Variants in UTP20 observed in about 807,000 individuals in gnomAD.
UTP20 encodes small subunit processome component 20 homolog.
A neutral mutation model predicts 329.5 loss-of-function variants in UTP20; 164 were observed. The observed-to-expected ratio is 0.50, with a 90% CI of 0.44 to 0.57. The LOEUF (loss-of-function observed/expected upper bound fraction) is 0.57, where lower values mean the gene tolerates loss of function less well. Ranked by LOEUF, UTP20 falls within the 20% of genes least tolerant of loss-of-function variation. The probability of loss-of-function intolerance (pLI) is 0.00; values close to 1 mark genes in which losing one functional copy is unlikely to be tolerated. For synonymous variants in UTP20, 1,151 were observed against 1,159.3 expected (o/e 0.99, Z 0.14); for missense variants, 3,055 against 3,284.2 (o/e 0.93, Z 1.71).
chr12:101,322,828 G>C (rs950441610), intron 25 of UTP20, among the ~76,000 whole-genome samples: 4 of 152,036 alleles, frequency 2.6e-5, no homozygotes, highest in African/African-American at 9.7e-5. Context: ...GTGAATAAGT[G>C]AATATACAAA....
rs374603409 is a variant in UTP20 at position 101,363,761 on chromosome 12, A to G, written c.5958+18A>G. The G allele has an allele frequency of 1.1e-4, 160 of 1,505,166 alleles. No individual in the cohort carries two copies. Among genetic ancestry groups the G allele is most frequent in the Middle Eastern group, 1.7e-4 (1 of 5,870 alleles). The allele number at this position is 1,505,166 out of a possible 1,614,324, so 93.2% of individuals were successfully genotyped here. On this transcript the variant is annotated intron_variant, in intron 45 of 61. Coordinates refer to ENST00000261637, the MANE Select transcript of UTP20 (RefSeq NM_014503.3). ...TAAAAGAGGTAAGGACGTAAATGCA[A>G]TTCTGGAGATCACAGCATTACAATC... is the stretch of plus-strand genomic sequence containing the variant.
In UTP20 at chr12:101,356,626, T is replaced by C; in HGVS notation, c.5467T>C (p.Leu1823=). 6.2e-7 allele frequency: 1 copy of C among 1,614,080 alleles called. No homozygotes were observed. Among genetic ancestry groups the C allele is most frequent in the Non-Finnish European group, 8.5e-7 (1 of 1,179,978 alleles). ...VNDEEVVRVP[L]AFAMVKLMQS... Reference sequence around the variant, plus strand: ...TGATGAGGAAGTCGTTCGAGTTCCATTAGCTTTTGCCATGGTTAAACTAAT... The same window carrying C: ...TGATGAGGAAGTCGTTCGAGTTCCACTAGCTTTTGCCATGGTTAAACTAAT... Residue 1823 remains leucine (L), a synonymous_variant, in exon 42 of 62, where the codon TTA becomes CTA. Transcript: ENST00000261637.
intron 47 of UTP20, 37 bp from the exon 48 acceptor site, chr12:101,367,823 G>A (rs377001301): frequency 1.2e-5 from 16 of 1,365,464 alleles, no homozygotes; most frequent in Non-Finnish European, 1.7e-5. Context: ...TGGTCTAATG[G>A]GCAACTAATG....
At chr12:101,379,252 T>G (rs1870569105) in intron 56 of UTP20, 119 bp from the exon 57 acceptor site, 1 of 860,928 alleles carries the variant, frequency 1.2e-6, no homozygotes, top group Non-Finnish European at 1.7e-6. Flanking sequence ...TGGCTTATTT[T>G]GTTCATCTTT....
At chr12:101,300,762 A>G (rs1872499615) in intron 14 of UTP20, among the ~76,000 whole-genome samples, 2 of 152,216 alleles carry the variant, frequency 1.3e-5, no homozygotes, top group South Asian at 2.1e-4. Context: ...TTAATGTGCT[A>G]CATTCTGTGT....
chr12:101,285,616 T>A lies in UTP20; in HGVS notation c.173T>A (p.Leu58Ter). 3 of 1,613,876 alleles carry A rather than the reference T, an allele frequency of 1.9e-6. No individual in the cohort carries two copies. The highest frequency in any genetic ancestry group is 2.5e-6 in the Non-Finnish European group (3 of 1,179,852). Residue 58 changes from leucine to a stop codon, truncating the protein, a stop_gained, in exon 3 of 62, where the codon TTA (leucine) becomes TAA (stop). Coordinates refer to ENST00000261637, the MANE Select transcript of UTP20 (RefSeq NM_014503.3). LOFTEE classifies it high-confidence loss of function. ...GAGGGTCTGCTGAAATGGAGAGAATTAAACCTCACAGAACACTTCGGTATT... is the reference window on the plus strand; with the variant it reads ...GAGGGTCTGCTGAAATGGAGAGAATAAAACCTCACAGAACACTTCGGTATT... ...FFEGLLKWRE[L>*]NLTEHFGKFY...
chr12:101,309,727 A>G, intron 18 of UTP20, 36 bp from the exon 19 acceptor site: 2 of 1,594,030 alleles, frequency 1.3e-6, no homozygotes, highest in Non-Finnish European at 1.7e-6. Flanking sequence ...ACTGTATTTC[A>G]TTACCCAATA....
At position 101,342,195 on chromosome 12, in the gene UTP20, T is replaced by C. The variant is rs570588471; in HGVS notation, c.4102-251T>C. Among the ~76,000 whole-genome samples the C allele has an allele frequency of 3.3e-5, 5 of 152,224 alleles. No individual in the cohort carries two copies. The South Asian group carries it at 8.3e-4, about 25-fold the overall frequency. ...TCTTGTATCTTTTTTGATTAGACAATAGAAGAAATTATGTTTCAAAACTAC... is the reference window on the plus strand; with the variant it reads ...TCTTGTATCTTTTTTGATTAGACAACAGAAGAAATTATGTTTCAAAACTAC... On this transcript the variant is annotated intron_variant, in intron 32 of 61. Transcript: ENST00000261637.
chr12:101,381,473 A>C (rs1593457564), intron 58 of UTP20, among the ~76,000 whole-genome samples: 1 of 151,928 alleles, frequency 6.6e-6, no homozygotes, highest in South Asian at 2.1e-4. Flanking sequence ...GAGGCGGAGG[A>C]TGCAGTAAGC....
chr12:101,300,720 G>T lies in UTP20; in HGVS notation c.1675+659G>T, dbSNP rs143800819. ...TAATGCAAAATTTTTTAAAAATCAC[G>T]TGTATATAGTGGTCATTCATTCACT... On this transcript the variant is annotated intron_variant, in intron 14 of 61. Transcript: ENST00000261637. Among the ~76,000 whole-genome samples, 8 of 152,186 alleles carry T rather than the reference G, an allele frequency of 5.3e-5. 1 individual carries two copies. Among genetic ancestry groups the T allele is most frequent in the African/African-American group, 1.9e-4 (8 of 41,522 alleles).
chr12:101,354,500 T>A (rs1869648529), intron 40 of UTP20, among the ~76,000 whole-genome samples: 2 of 152,172 alleles, frequency 1.3e-5, no homozygotes, highest in Admixed American at 1.3e-4. Flanking sequence ...TCATTAGGAT[T>A]TTCATGCTCA....
chr12:101,331,000 T>A (rs1388840069), intron 27 of UTP20, among the ~76,000 whole-genome samples: 1 of 152,234 alleles, frequency 6.6e-6, no homozygotes, highest in Non-Finnish European at 1.5e-5. Context: ...ATTTACTTTT[T>A]TGTGTCTTTC....
In UTP20 at chr12:101,375,762, T is replaced by C; in HGVS notation, c.7396+6T>C. Reference sequence around the variant, plus strand: ...GACTTTGAGTAAAATCTGGAGTAAGTATTTCCTTTTTTATTTAAATCAAAC... The same window carrying C: ...GACTTTGAGTAAAATCTGGAGTAAGCATTTCCTTTTTTATTTAAATCAAAC... On this transcript the variant is annotated splice_donor_region_variant and intron_variant, in intron 56 of 61. Coordinates refer to ENST00000261637, the MANE Select transcript of UTP20 (RefSeq NM_014503.3). 1 of 1,512,872 alleles carries C rather than the reference T, an allele frequency of 6.6e-7. No homozygotes were observed. Among genetic ancestry groups the C allele is most frequent in the Non-Finnish European group, 9.1e-7 (1 of 1,104,772 alleles). The allele number at this position is 1,512,872 out of a possible 1,614,324, so 93.7% of individuals were successfully genotyped here. A position where few individuals can be genotyped will look rare whatever the true frequency, so the allele number is the denominator to read the frequency against.
chr12:101,376,008 T>C (rs1277546292), intron 56 of UTP20, among the ~76,000 whole-genome samples: 20 of 151,546 alleles, frequency 1.3e-4, no homozygotes, highest in East Asian at 9.6e-4. Flanking sequence ...ATTTCAGATA[T>C]GTATCTCTTT....
chr12:101,367,340 C>A (rs1476889021), intron 47 of UTP20, among the ~76,000 whole-genome samples: 1 of 152,148 alleles, frequency 6.6e-6, no homozygotes. Context: ...AAGCATAAAT[C>A]TAATCATTTC....
At chr12:101,307,180 AAAAAAAAAAAAAAATT>A (rs1426898586) in intron 17 of UTP20, among the ~76,000 whole-genome samples, 1 of 150,338 alleles carries the variant, frequency 6.7e-6, no homozygotes, top group Non-Finnish European at 1.5e-5. Context: ...TCCGTCTCAA[AAAAAAAAAAAAAAATT>A]GATTTTTTTT....
chr12:101,345,360 T>A (rs1052240273), intron 36 of UTP20, among the ~76,000 whole-genome samples, 194 bp from the exon 37 acceptor site: 5 of 152,016 alleles, frequency 3.3e-5, no homozygotes, highest in Non-Finnish European at 7.4e-5. Flanking sequence ...CTGATTTTTG[T>A]ATTTTTTGTA....
At chr12:101,309,706 T>C in intron 18 of UTP20, 57 bp from the exon 19 acceptor site, 2 of 1,543,000 alleles carry the variant, frequency 1.3e-6, no homozygotes, top group Admixed American at 3.5e-5. Flanking sequence ...ATTTCAGTAC[T>C]TCTGTTCTAT....
rs755425036 is a variant in UTP20, at chr12:101,312,055, T to TA, written c.2332dup (p.Met778AsnfsTer4). ...TTGCAGAGAAGGAACTACAGAATGATATGACAGATGAGAAGTCCGTTGGAG... is the reference window on the plus strand; with the variant it reads ...TTGCAGAGAAGGAACTACAGAATGATAATGACAGATGAGAAGTCCGTTGGAG... On this transcript the variant is annotated frameshift_variant, in exon 21 of 62. Transcript: ENST00000261637. LOFTEE classifies it high-confidence loss of function. 3 of 1,614,250 alleles carry TA rather than the reference T, an allele frequency of 1.9e-6. No individual in the cohort carries two copies. Among genetic ancestry groups the TA allele is most frequent in the South Asian group, 2.2e-5 (2 of 91,082 alleles).
Sources: gnomAD v4.1 joint callset for allele counts (sites outside exome capture counted in the v4.1 genomes callset) on GRCh38, gnomAD v4.1.1 for gene constraint, MANE v1.5 for transcripts, NCBI Gene and HGNC (gene_info 2026-07-23, HGNC 2026-07-21) for gene names.